Variants in ARIH1 observed in about 807,000 individuals in gnomAD.
ARIH1 encodes the protein ariadne RBR E3 ubiquitin protein ligase 1.
In ARIH1, 8 loss-of-function variants were observed where a neutral mutation model predicts 85.0. That is an observed-to-expected ratio of 0.09 (90% CI 0.06 to 0.17). The LOEUF (loss-of-function observed/expected upper bound fraction) is 0.17, where lower values mean the gene tolerates loss of function less well. ARIH1 is among the 10% of genes least tolerant of loss of function. ARIH1 has a pLI of 1.00. For synonymous variants in ARIH1, 238 were observed against 253.6 expected (o/e 0.94, Z 0.59); for missense variants, 311 against 718.1 (o/e 0.43, Z 6.48).
rs1318431240 is a variant in ARIH1, at chr15:72,597,471, TC to T, written c.*14180del. On this transcript the variant is annotated 3_prime_UTR_variant, in exon 14 of 14. Coordinates refer to ENST00000379887, the MANE Select transcript of ARIH1 (RefSeq NM_005744.5). ...AATGGGCTGGGGATAGGAGGATCTT[TC>T]TCAGCTCTCATGTGTGCCCTGCCCT... 6.6e-6 allele frequency: 1 copy of T among 152,084 alleles called. No individual in the cohort carries two copies. The highest frequency in any genetic ancestry group is 1.5e-5 in the Non-Finnish European group (1 of 68,014). The allele number at this position is 152,084 out of a possible 1,614,324, so 9.4% of individuals were successfully genotyped here.
At position 72,495,247 on chromosome 15, in the gene ARIH1, T is replaced by C. The variant is rs148625593; in HGVS notation, c.375+20233T>C. 9.7e-4 allele frequency among the ~76,000 whole-genome samples: 147 copies of C among 152,204 alleles called. 2 individuals are homozygous for C. In the East Asian group the frequency reaches 0.023, roughly 23 times the overall value. ...GAAATGGGGCGTGACTGCTAATGAG[T>C]ATAGGGTTTCTTTTTAGGGTGATGA... On this transcript the variant is annotated intron_variant, in intron 1 of 13. Transcript: ENST00000379887.
chr15:72,481,027 A>C (rs2063814499), intron 1 of ARIH1, among the ~76,000 whole-genome samples: 1 of 152,208 alleles, frequency 6.6e-6, no homozygotes, highest in Non-Finnish European at 1.5e-5. Context: ...TATTGTGGTT[A>C]TGTTCATTAA....
intron 2 of ARIH1, among the ~76,000 whole-genome samples, chr15:72,520,061 T>G (rs931392766): frequency 9.2e-5 from 14 of 152,188 alleles, no homozygotes; most frequent in African/African-American, 3.4e-4. Context: ...GTACTAAATT[T>G]TGTACTTTAT....
intron 4 of ARIH1, 113 bp from the exon 5 acceptor site, chr15:72,555,739 T>G: frequency 1.4e-5 from 12 of 833,586 alleles, no homozygotes; most frequent in Non-Finnish European, 2.2e-5. Context: ...AGGGAAGGAT[T>G]GAGATCCTGT....
chr15:72,495,053 A>T (rs2063874272), intron 1 of ARIH1, among the ~76,000 whole-genome samples: 2 of 152,228 alleles, frequency 1.3e-5, no homozygotes, highest in Non-Finnish European at 2.9e-5. Context: ...TCAGTAAAAG[A>T]GACCTAGGGC....
intron 1 of ARIH1, among the ~76,000 whole-genome samples, chr15:72,494,931 T>G (rs989420958): frequency 6.6e-6 from 1 of 152,238 alleles, no homozygotes; most frequent in Admixed American, 6.5e-5. Flanking sequence ...GTAAATTTGA[T>G]TTTAATAAAT....
At chr15:72,551,379 G>A (rs1188841917) in intron 3 of ARIH1, among the ~76,000 whole-genome samples, 2 of 152,200 alleles carry the variant, frequency 1.3e-5, no homozygotes, top group Admixed American at 1.3e-4. Flanking sequence ...CGGTGGAACA[G>A]GATAGAGTCA....
At chr15:72,481,923 G>A (rs989912725) in intron 1 of ARIH1, among the ~76,000 whole-genome samples, 72 of 151,972 alleles carry the variant, frequency 4.7e-4, no homozygotes, top group African/African-American at 1.7e-3. Context: ...TGCAACCTTC[G>A]CCTGCTGGGT....
In ARIH1 at chr15:72,551,355, A is replaced by T. The variant is rs557253602; in HGVS notation, c.589-3916A>T. ...AGTGAGGACTAGTCCTGCTAGATAC[A>T]AGAGTAGACAGAGCGGTGGAACAGG... On this transcript the variant is annotated intron_variant, in intron 3 of 13. Coordinates refer to ENST00000379887, the MANE Select transcript of ARIH1 (RefSeq NM_005744.5). Among the ~76,000 whole-genome samples, 48 of 152,318 alleles carry T rather than the reference A, an allele frequency of 3.2e-4. No homozygotes were observed. The South Asian group carries it at 9.7e-3, about 31-fold the overall frequency.
chr15:72,552,965 G>A (rs2064159340), intron 3 of ARIH1, among the ~76,000 whole-genome samples: 1 of 151,992 alleles, frequency 6.6e-6, no homozygotes, highest in South Asian at 2.1e-4. Context: ...AGTAGAGGCA[G>A]GATTTTGCCA....
In ARIH1 at chr15:72,596,895, A is replaced by G. The variant is rs2064365457; in HGVS notation, c.*13603A>G. The stretch of plus-strand genomic sequence containing the variant: ...TTCATGCATGTTTTCCACATTTTCC[A>G]TTCTACTTTTTAGCATTTTAATCAG... On this transcript the variant is annotated 3_prime_UTR_variant, in exon 14 of 14. Coordinates refer to ENST00000379887, the MANE Select transcript of ARIH1 (RefSeq NM_005744.5). 6.6e-6 allele frequency: 1 copy of G among 151,780 alleles called. No homozygotes were observed. The allele number at this position is 151,780 out of a possible 1,614,324, so 9.4% of individuals were successfully genotyped here. A position where few individuals can be genotyped will look rare whatever the true frequency, so the allele number is the denominator to read the frequency against.
intron 9 of ARIH1, among the ~76,000 whole-genome samples, chr15:72,569,263 GC>G (rs1413523990): frequency 6.6e-6 from 1 of 152,130 alleles, no homozygotes; most frequent in African/African-American, 2.4e-5. Context: ...AGCCATGATT[GC>G]ACTGCTGCAC....
At chr15:72,561,690 G>C (rs2064198091) in intron 6 of ARIH1, 141 bp downstream of exon 6, 1 of 585,348 alleles carries the variant, frequency 1.7e-6, no homozygotes, top group Non-Finnish European at 2.8e-6. Flanking sequence ...ATTCTCAAAA[G>C]AGTATGACAG....
At chr15:72,553,935 A>G (rs550027260) in intron 3 of ARIH1, among the ~76,000 whole-genome samples, 1 of 152,114 alleles carries the variant, frequency 6.6e-6, no homozygotes, top group African/African-American at 2.4e-5. Flanking sequence ...AAGAATCAAT[A>G]TGTGATCTTT....
At chr15:72,495,140 G>C (rs1250292177) in intron 1 of ARIH1, among the ~76,000 whole-genome samples, 2 of 152,070 alleles carry the variant, frequency 1.3e-5, no homozygotes, top group African/African-American at 2.4e-5. Flanking sequence ...ATACTGTGTG[G>C]TATCATTTAT....
intron 3 of ARIH1, among the ~76,000 whole-genome samples, chr15:72,547,518 C>T (rs2064135063): frequency 6.6e-6 from 1 of 152,188 alleles, no homozygotes; most frequent in South Asian, 2.1e-4. Flanking sequence ...CAGGTGTGCA[C>T]CACCGCACCC....
At chr15:72,549,054 G>A (rs182947010) in intron 3 of ARIH1, among the ~76,000 whole-genome samples, 358 of 151,648 alleles carry the variant, frequency 2.4e-3, no homozygotes, top group African/African-American at 8.3e-3. Context: ...ACTGTGCTAG[G>A]AAATGTAGCT....
intron 11 of ARIH1, among the ~76,000 whole-genome samples, chr15:72,576,505 C>CCA (rs2064271936): frequency 1.6e-5 from 1 of 63,278 alleles, no homozygotes; most frequent in Non-Finnish European, 2.6e-5. Flanking sequence ...GACTCTGTCT[C>CCA]AAAAAAAAAA....
In ARIH1 at chr15:72,578,231, G is replaced by A. The variant is rs1298797926; in HGVS notation, c.1216-2500G>A. ...TCTGTTGTAGATACTGCGAAGTCAC[G>A]CGCAACATCTGGACACAGTTTTCTC... On this transcript the variant is annotated intron_variant, in intron 11 of 13. Transcript: ENST00000379887. Among the ~76,000 whole-genome samples the A allele has an allele frequency of 5.9e-5, 9 of 152,128 alleles. No individual in the cohort carries two copies. In the South Asian group the frequency reaches 6.2e-4, roughly 10 times the overall value.
Sources: gnomAD v4.1 joint callset for allele counts (sites outside exome capture counted in the v4.1 genomes callset) on GRCh38, gnomAD v4.1.1 for gene constraint, MANE v1.5 for transcripts, NCBI Gene and HGNC (gene_info 2026-07-23, HGNC 2026-07-21) for gene names.